Variants in DMAP1 observed in about 807,000 individuals in gnomAD.
DMAP1 encodes DNA methyltransferase 1-associated protein 1.
A neutral mutation model predicts 52.7 loss-of-function variants in DMAP1; 26 were observed. The observed-to-expected ratio is 0.49, with a 90% CI of 0.36 to 0.68. The LOEUF is 0.68. DMAP1 is among the 30% of genes least tolerant of loss of function. DMAP1 has a pLI of 0.00. For missense variants in DMAP1, 439 were observed against 625.2 expected (o/e 0.70, Z 3.18); for synonymous variants, 231 against 246.0 (o/e 0.94, Z 0.57).
In DMAP1 at chr1:44,219,896, G is replaced by A. The variant is rs772360829; in HGVS notation, c.1051+18G>A. On this transcript the variant is annotated intron_variant, in intron 8 of 9. Coordinates refer to ENST00000372289, the MANE Select transcript of DMAP1 (RefSeq NM_019100.5). ...TGGTGTGGGTGAGTGTGGGGACTGG[G>A]CCCCATAGGGTGTACCCACCCGAGG... is the stretch of plus-strand genomic sequence containing the variant. 5.6e-6 allele frequency: 9 copies of A among 1,613,966 alleles called. No individual in the cohort carries two copies. The Admixed American group carries it at 1.3e-4, about 24-fold the overall frequency.
rs1643850431 is a variant in DMAP1 at position 44,218,989 on chromosome 1, G to C, written c.721-67G>C. On this transcript the variant is annotated intron_variant, in intron 5 of 9. Transcript: ENST00000372289. This position sits in a 1 kb window ranked among gnomAD's most constrained non-coding sequence, Gnocchi z 5.6. ...TCCCTCACAGACAGCCCAGCACCCTGTCACCTCCGTGTCTACCCTCACTCC... is the reference window on the plus strand; with the variant it reads ...TCCCTCACAGACAGCCCAGCACCCTCTCACCTCCGTGTCTACCCTCACTCC... 6.3e-7 allele frequency: 1 copy of C among 1,580,582 alleles called. No homozygotes were observed.
At position 44,213,952 on chromosome 1, in the gene DMAP1, C is replaced by T. The variant is rs1643734838; in HGVS notation, c.105+94C>T. 1 of 1,150,826 alleles carries T rather than the reference C, an allele frequency of 8.7e-7. No individual in the cohort carries two copies. The highest frequency in any genetic ancestry group is 1.3e-6 in the Non-Finnish European group (1 of 793,630). 71.3% of individuals were successfully genotyped at this position (1,150,826 alleles called of 1,614,324 possible). The stretch of plus-strand genomic sequence containing the variant: ...GGGCAAGGGATGGGTGCTACACTTA[C>T]AGTGAGTTGGGCGATAAAAGGGGTG... On this transcript the variant is annotated intron_variant, in intron 1 of 9. Transcript: ENST00000372289. This position sits in a 1 kb window ranked among gnomAD's most constrained non-coding sequence, Gnocchi z 4.5.
At position 44,213,599 on chromosome 1, in the gene DMAP1, T is replaced by TC. The variant is rs1332044004; in HGVS notation, c.-151dup. Reference sequence around the variant, plus strand: ...ATCCAAGCGGTGGGGCACAGGCAGATCCCCGACCTGACCTGGACCACCCTT... The same window carrying TC: ...ATCCAAGCGGTGGGGCACAGGCAGATCCCCCGACCTGACCTGGACCACCCTT... On this transcript the variant is annotated 5_prime_UTR_variant, in exon 1 of 10. Transcript: ENST00000372289. This position sits in a 1 kb window ranked among gnomAD's most constrained non-coding sequence, Gnocchi z 4.5. The TC allele has an allele frequency of 9.4e-6, 6 of 640,032 alleles. No individual in the cohort carries two copies. The highest frequency in any genetic ancestry group is 1.6e-5 in the Non-Finnish European group (6 of 366,576). The allele number at this position is 640,032 out of a possible 1,614,324, so 39.6% of individuals were successfully genotyped here.
chr1:44,217,295 A>G (rs1490718283), intron 3 of DMAP1: 1 of 152,286 alleles, frequency 6.6e-6, no homozygotes, highest in African/African-American at 2.4e-5. Context: ...ATCACGTCTT[A>G]GCTGCAGATG....
chr1:44,217,652 T>G (rs942859918), intron 3 of DMAP1: 1 of 161,754 alleles, frequency 6.2e-6, no homozygotes, highest in Non-Finnish European at 1.4e-5. Flanking sequence ...GCGACCAGTT[T>G]TGGAGCTGGT....
chr1:44,220,460 C>T, intron 9 of DMAP1, 99 bp from the exon 10 acceptor site: 1 of 1,603,214 alleles, frequency 6.2e-7, no homozygotes, highest in Non-Finnish European at 8.5e-7. Context: ...GTGGGTTGAC[C>T]AGTGGGCGTC....
Position 44,219,476 on chromosome 1 carries a change from G to A in DMAP1, c.977G>A (p.Arg326Gln), listed in dbSNP as rs1270561292. 3 of 1,573,866 alleles carry A rather than the reference G, an allele frequency of 1.9e-6. No homozygotes were observed. The highest frequency in any genetic ancestry group is 2.4e-5 in the South Asian group (2 of 83,472). ...GCAGGTGTCACGCTGCGGAGCCAAC[G>A]GGTACGTGAGTCACCTCCTTTAGCA... ...KSAGVTLRSQ[R>Q]MKLPSSVGQK... The change falls in exon 7 of 10, where the codon CGG becomes CAG. Residue 326 changes from arginine to glutamine, a missense_variant and splice_region_variant. Physicochemically the swap from Arg to Gln is conservative, Grantham distance 43. This residue lies in a region of DMAP1 where 179 missense variants were observed against 285.9 expected (regional missense o/e 0.63). Coordinates refer to ENST00000372289, the MANE Select transcript of DMAP1 (RefSeq NM_019100.5).
intron 3 of DMAP1, chr1:44,215,354 C>T (rs958515946): frequency 1.1e-5 from 5 of 456,364 alleles, no homozygotes; most frequent in Non-Finnish European, 1.8e-5. Context: ...CATCTTCCCT[C>T]TGTCAGTCCC....
At chr1:44,214,965 T>A in intron 3 of DMAP1, 67 bp downstream of exon 3, 1 of 1,585,174 alleles carries the variant, frequency 6.3e-7, no homozygotes, top group Non-Finnish European at 8.6e-7. Context: ...GTGCGAGCTC[T>A]CCAGTCTCCT....
Position 44,218,173 on chromosome 1 carries a change from C to CT in DMAP1, c.394-135dup. ...GGACCTCTAGTCAAGCAGACAAGTT[C>CT]TTTCCTCACTCCATGCTGCAGGGGC... On this transcript the variant is annotated intron_variant, in intron 3 of 9. Coordinates refer to ENST00000372289, the MANE Select transcript of DMAP1 (RefSeq NM_019100.5). The surrounding 1 kb of genome is among the most constrained non-coding windows in gnomAD (Gnocchi z 5.6). 1 of 1,167,292 alleles carries CT rather than the reference C, an allele frequency of 8.6e-7. No homozygotes were observed. Among genetic ancestry groups the CT allele is most frequent in the South Asian group, 1.2e-5 (1 of 81,546 alleles). The allele number at this position is 1,167,292 out of a possible 1,614,324, so 72.3% of individuals were successfully genotyped here.
chr1:44,213,883 G>C lies in DMAP1; in HGVS notation c.105+25G>C, dbSNP rs1220660223. 2 of 1,560,446 alleles carry C rather than the reference G, an allele frequency of 1.3e-6. No individual in the cohort carries two copies. On this transcript the variant is annotated intron_variant, in intron 1 of 9. Transcript: ENST00000372289. The surrounding 1 kb of genome is among the most constrained non-coding windows in gnomAD (Gnocchi z 4.5). Reference sequence around the variant, plus strand: ...GGTAGCAGGGGCACCTGAAAGCGTTGACTAGGGGAGGGTAGGGGAGTGAAG... The same window carrying C: ...GGTAGCAGGGGCACCTGAAAGCGTTCACTAGGGGAGGGTAGGGGAGTGAAG...
At position 44,215,347 on chromosome 1, in the gene DMAP1, C is replaced by T. The variant is rs986532606; in HGVS notation, c.393+449C>T. ...AGGTACCCTGAACAGAGCTCATCAT[C>T]TTCCCTCTGTCAGTCCCAAATCTGT... On this transcript the variant is annotated intron_variant, in intron 3 of 9. Transcript: ENST00000372289. 29 of 456,502 alleles carry T rather than the reference C, an allele frequency of 6.4e-5. No individual in the cohort carries two copies. The Admixed American group carries it at 6.8e-4, about 11-fold the overall frequency. The allele number at this position is 456,502 out of a possible 1,614,324, so 28.3% of individuals were successfully genotyped here.
chr1:44,214,391 G>GC lies in DMAP1; in HGVS notation c.150dup (p.Glu51ArgfsTer14). ...CCTCTGAGACACTGACTTTCAAGAG[G>GC]CCCGAGGGCATGCACCGGGAAGTCT... On this transcript the variant is annotated frameshift_variant, in exon 2 of 10. Coordinates refer to ENST00000372289, the MANE Select transcript of DMAP1 (RefSeq NM_019100.5). LOFTEE classifies it high-confidence loss of function. 1 of 1,614,088 alleles carries GC rather than the reference G, an allele frequency of 6.2e-7. No homozygotes were observed. The highest frequency in any genetic ancestry group is 8.5e-7 in the Non-Finnish European group (1 of 1,179,992).
Position 44,220,134 on chromosome 1 carries a change from T to C in DMAP1, c.1169T>C (p.Met390Thr), listed in dbSNP as rs1643876538. ...ACANCEYELQMLRHRHEALAR... is the reference protein window; with the variant it reads ...ACANCEYELQTLRHRHEALAR... ...GCCAACTGCGAGTATGAGCTGCAGA[T>C]GCTGCGGCACCGTCATGAGGCACTG... The change falls in exon 9 of 10, where the codon ATG (methionine) becomes ACG (threonine). Residue 390 changes from methionine to threonine, a missense_variant. Met to Thr is a moderately conservative substitution (Grantham distance 81). Transcript: ENST00000372289. The C allele has an allele frequency of 6.2e-7, 1 of 1,612,810 alleles. No homozygotes were observed. Among genetic ancestry groups the C allele is most frequent in the Admixed American group, 1.7e-5 (1 of 59,920 alleles).
At chr1:44,220,378 G>A in intron 9 of DMAP1, 69 bp downstream of exon 9, 1 of 1,522,190 alleles carries the variant, frequency 6.6e-7, no homozygotes, top group Non-Finnish European at 8.8e-7. Context: ...TGGGTGTAGG[G>A]GCTCCTCTCC....
chr1:44,215,254 G>A lies in DMAP1; in HGVS notation c.393+356G>A, dbSNP rs1260587954. 4 of 475,868 alleles carry A rather than the reference G, an allele frequency of 8.4e-6. No individual in the cohort carries two copies. In the East Asian group the frequency reaches 2.5e-4, roughly 30 times the overall value. The allele number at this position is 475,868 out of a possible 1,614,324, so 29.5% of individuals were successfully genotyped here. A position where few individuals can be genotyped will look rare whatever the true frequency, so the allele number is the denominator to read the frequency against. On this transcript the variant is annotated intron_variant, in intron 3 of 9. Coordinates refer to ENST00000372289, the MANE Select transcript of DMAP1 (RefSeq NM_019100.5). Reference sequence around the variant, plus strand: ...CTACAAGTCACCAATCCAGAGCAGTGCTTCCTTCGCATCCAGTCATTTACT... The same window carrying A: ...CTACAAGTCACCAATCCAGAGCAGTACTTCCTTCGCATCCAGTCATTTACT...
intron 3 of DMAP1, chr1:44,215,394 C>T (rs1447229372): frequency 4.4e-6 from 2 of 452,486 alleles, no homozygotes; most frequent in African/African-American, 4.0e-5. Flanking sequence ...GTGAATGGCA[C>T]TATCTTCCAC....
intron 3 of DMAP1, chr1:44,217,812 C>T (rs891027809): frequency 1.3e-4 from 29 of 225,078 alleles, no homozygotes; most frequent in Admixed American, 8.5e-4. Context: ...GGCAGGGCTG[C>T]GTATGTTGGT....
chr1:44,213,693 C>G lies in DMAP1; in HGVS notation c.-61C>G. On this transcript the variant is annotated 5_prime_UTR_variant, in exon 1 of 10. Coordinates refer to ENST00000372289, the MANE Select transcript of DMAP1 (RefSeq NM_019100.5). The surrounding 1 kb of genome is among the most constrained non-coding windows in gnomAD (Gnocchi z 4.5). The stretch of plus-strand genomic sequence containing the variant: ...GATTGGCCCCGCCCCCTGACCTGAG[C>G]CTGGTCCTTCTTCAGGCACTGACCC... The G allele has an allele frequency of 6.7e-7, 1 of 1,497,170 alleles. No individual in the cohort carries two copies. Among genetic ancestry groups the G allele is most frequent in the Admixed American group, 2.0e-5 (1 of 50,632 alleles). 92.7% of individuals were successfully genotyped at this position (1,497,170 alleles called of 1,614,324 possible). A position where few individuals can be genotyped will look rare whatever the true frequency, so the allele number is the denominator to read the frequency against.
Sources: gnomAD v4.1 joint callset for allele counts on GRCh38, gnomAD v4.1.1 for gene constraint, gnomAD v4.1.1 regional missense constraint, Gnocchi (gnomAD v3.1) non-coding constraint, MANE v1.5 for transcripts, NCBI Gene and HGNC (gene_info 2026-07-23, HGNC 2026-07-21) for gene names.